Variants in RIF1 observed in about 807,000 individuals in gnomAD.
RIF1 encodes replication timing regulatory factor 1.
In RIF1, 45 loss-of-function variants were observed where a neutral mutation model predicts 247.1. The observed-to-expected ratio is 0.18, with a 90% confidence interval of 0.14 to 0.23. The LOEUF is 0.23. RIF1 is among the 10% of genes least tolerant of loss of function. The probability of loss-of-function intolerance (pLI) is 1.00; values close to 1 mark genes in which losing one functional copy is unlikely to be tolerated. For synonymous variants in RIF1, 1,087 were observed against 978.8 expected (o/e 1.11, Z -2.06); for missense variants, 2,967 against 2,862.5 (o/e 1.04, Z -0.83).
rs188313594 is a variant in RIF1, at chr2:151,411,065, C to T, written c.105-195C>T. 5.9e-4 allele frequency among the ~76,000 whole-genome samples: 90 copies of T among 152,232 alleles called. 1 individual carries two copies. Among genetic ancestry groups the T allele is most frequent in the Admixed American group, 5.1e-3 (78 of 15,292 alleles). ...CATGTACTCGATGTAAAAACTTATT[C>T]TGAGGGTTTTTCTACTTTCATTTCT... On this transcript the variant is annotated intron_variant, in intron 2 of 35. Coordinates refer to ENST00000444746, the MANE Select transcript of RIF1 (RefSeq NM_018151.5).
intron 10 of RIF1, among the ~76,000 whole-genome samples, chr2:151,435,227 G>A (rs559714542): frequency 1.3e-5 from 2 of 152,264 alleles, no homozygotes; most frequent in South Asian, 2.1e-4. Context: ...CCAGTAATGT[G>A]TACAGTTCAG....
In RIF1 at chr2:151,420,343, A is replaced by G. The variant is rs1190486149; in HGVS notation, c.657A>G (p.Gln219=). 5 of 1,614,072 alleles carry G rather than the reference A, an allele frequency of 3.1e-6. No individual in the cohort carries two copies. In the South Asian group the frequency reaches 4.4e-5, roughly 14 times the overall value. ...TGCCATTATTGCTTCAGAAACAGCA[A>G]GAAATAGCATCTATTACGGAGCAGC... ...MGMPLLLQKQ[Q]EIASITEQLM... Residue 219 remains glutamine (Q), a synonymous_variant, in exon 7 of 36, where the codon CAA becomes CAG. Transcript: ENST00000444746.
chr2:151,470,522 C>T (rs987268093), intron 34 of RIF1, among the ~76,000 whole-genome samples: 4 of 152,096 alleles, frequency 2.6e-5, no homozygotes, highest in African/African-American at 7.2e-5. Flanking sequence ...CCAAAACGCT[C>T]ATTAGAGAAT....
chr2:151,439,543 A>G (rs1691860884), intron 14 of RIF1, among the ~76,000 whole-genome samples: 1 of 151,762 alleles, frequency 6.6e-6, no homozygotes, highest in South Asian at 2.1e-4. Flanking sequence ...GCATGCCTGT[A>G]ATCAATCCCC....
At chr2:151,507,300 G>C (rs998690457) in intron 13 of RIF1, among the ~76,000 whole-genome samples, 1 of 152,204 alleles carries the variant, frequency 6.6e-6, no homozygotes, top group Admixed American at 6.5e-5. Context: ...AGCAGTGATA[G>C]TTCACATTCA....
rs758824226 is a variant in RIF1 at position 151,464,422 on chromosome 2, A to G, written c.4902A>G (p.Thr1634=). Residue 1634 remains threonine (T), a synonymous_variant, in exon 30 of 36, where the codon ACA becomes ACG. Transcript: ENST00000444746. The stretch of plus-strand genomic sequence containing the variant: ...ATACTGTAATATGTCAGGATTCTAC[A>G]GTAACTTCAGATTTGTTGCAAGTTC... ...ESNTVICQDS[T]VTSDLLQVPD... 3 of 1,613,514 alleles carry G rather than the reference A, an allele frequency of 1.9e-6. No homozygotes were observed. The highest frequency in any genetic ancestry group is 3.3e-5 in the Admixed American group (2 of 59,940).
intron 31 of RIF1, 92 bp from the exon 32 acceptor site, chr2:151,468,382 T>C (rs1559028024): frequency 4.5e-6 from 5 of 1,108,490 alleles, no homozygotes; most frequent in East Asian, 2.4e-5. Context: ...TTTGAACTTT[T>C]AAAGAAATGA....
At chr2:151,412,316 T>G (rs368466022) in intron 3 of RIF1, among the ~76,000 whole-genome samples, 1 of 138,316 alleles carries the variant, frequency 7.2e-6, no homozygotes, top group Non-Finnish European at 1.7e-5. Context: ...TTTGTTTGTT[T>G]TTATTATGAC....
rs747173826 is a variant in RIF1, at chr2:151,466,010, G to A, written c.6490G>A (p.Gly2164Ser). ...SLVSANDSPS[G>S]MQTRCVWSPL... ...TGTGTCAGCAAATGACAGTCCTAGT[G>A]GCATGCAGACACGCTGTGTCTGGTC... is the stretch of plus-strand genomic sequence containing the variant. The change falls in exon 30 of 36, where the codon GGC (glycine) becomes AGC (serine). Residue 2164 changes from glycine (G) to serine (S), a missense_variant. Gly to Ser is a moderately conservative substitution (Grantham distance 56). Around this residue, in one of 7 missense-constraint regions of RIF1, gnomAD observed 2,028 missense variants for 1,825.6 expected, o/e 1.11. Transcript: ENST00000444746. 1 of 1,613,994 alleles carries A rather than the reference G, an allele frequency of 6.2e-7. No individual in the cohort carries two copies. Among genetic ancestry groups the A allele is most frequent in the Admixed American group, 1.7e-5 (1 of 60,016 alleles).
chr2:151,497,804 T>C, intron 10 of RIF1: 1 of 1,538,632 alleles, frequency 6.5e-7, no homozygotes, highest in Non-Finnish European at 8.7e-7. Context: ...AAAAACACAG[T>C]CATCCAAGGA....
chr2:151,426,088 A>G (rs139352762), intron 8 of RIF1, among the ~76,000 whole-genome samples: 227 of 145,852 alleles, frequency 1.6e-3, no homozygotes, highest in African/African-American at 5.7e-3. Context: ...TATCATATGT[A>G]TTAATTACTA....
At chr2:151,485,889 A>G (rs1425045342), downstream of RIF1, 11 of 1,613,854 alleles carry the variant, frequency 6.8e-6, no homozygotes, top group African/African-American at 6.7e-5. Context: ...AGGACACCTC[A>G]TCTGCATCAG....
intron 35 of RIF1, 138 bp from the exon 36 acceptor site, chr2:151,474,719 G>T (rs1574195350): frequency 4.8e-6 from 3 of 622,244 alleles, no homozygotes; most frequent in South Asian, 2.0e-5. Context: ...AGATTTTTTT[G>T]TGTGCTTGTC....
intron 32 of RIF1, 21 bp downstream of exon 32, chr2:151,468,572 C>G (rs745345091): frequency 6.2e-7 from 1 of 1,605,584 alleles, no homozygotes; most frequent in East Asian, 2.2e-5. Flanking sequence ...CTTTAGTTTT[C>G]ATGTCACTTT....
intron 12 of RIF1, among the ~76,000 whole-genome samples, chr2:151,505,072 T>TA (rs1282333304): frequency 6.6e-6 from 1 of 152,088 alleles, no homozygotes; most frequent in Non-Finnish European, 1.5e-5. Context: ...ACACATGTTT[T>TA]ATATATATAC....
At chr2:151,531,209 TATGAATTTGACAGGTGCTTTC>T in the RIF1 span, 1 of 749,404 alleles carries the variant, frequency 1.3e-6, no homozygotes, top group Non-Finnish European at 2.3e-6. Context: ...AAGAGAATTC[TATGAATTTGACAGGTGCTTTC>T]ATGCTCTCTG....
At chr2:151,474,495 A>G (rs1407832328) in intron 35 of RIF1, among the ~76,000 whole-genome samples, 4 of 152,208 alleles carry the variant, frequency 2.6e-5, no homozygotes, top group Non-Finnish European at 5.9e-5. Context: ...TCTGGGCAAC[A>G]TGAAACCCAG....
chr2:151,431,779 CTGAATGAATGAATGAA>C (rs10681364), intron 9 of RIF1, among the ~76,000 whole-genome samples: 3 of 149,544 alleles, frequency 2.0e-5, no homozygotes, highest in African/African-American at 5.0e-5. Flanking sequence ...ACTTCCGTCT[CTGAATGAATGAATGAA>C]TGAATGAATG....
Position 151,443,745 on chromosome 2 carries a change from G to A in RIF1, c.1986+36G>A, listed in dbSNP as rs560792384. 3.0e-6 allele frequency: 4 copies of A among 1,339,822 alleles called. No individual in the cohort carries two copies. The African/African-American group carries it at 4.5e-5, about 15-fold the overall frequency. The allele number at this position is 1,339,822 out of a possible 1,614,324, so 83.0% of individuals were successfully genotyped here. ...AATCTGCTACGTATTTTGGATAATAGACCTTTTTTTTTTGTTAGTGCAGTT... is the reference window on the plus strand; with the variant it reads ...AATCTGCTACGTATTTTGGATAATAAACCTTTTTTTTTTGTTAGTGCAGTT... On this transcript the variant is annotated intron_variant, in intron 18 of 35. Transcript: ENST00000444746.
Sources: allele counts gnomAD v4.1 joint callset (sites outside exome capture counted in the v4.1 genomes callset), GRCh38; gene constraint gnomAD v4.1.1; regional missense constraint gnomAD v4.1.1; transcripts MANE v1.5; gene names NCBI Gene and HGNC (gene_info 2026-07-23, HGNC 2026-07-21).